KMT2C: variants seen among roughly 807,000 people sequenced by gnomAD.
KMT2C encodes histone-lysine N-methyltransferase 2C.
Under a neutral mutation model 507.9 loss-of-function variants are expected in KMT2C, and 88 were observed. The ratio of observed to expected loss-of-function variants is 0.17; its 90% CI spans 0.15 to 0.21. KMT2C has a LOEUF of 0.21. KMT2C is among the 10% of genes least tolerant of loss of function. KMT2C has a pLI of 1.00. For missense variants in KMT2C, 4,954 were observed against 5,957.8 expected (o/e 0.83, Z 5.55); for synonymous variants, 2,049 against 2,080.8 (o/e 0.98, Z 0.42).
chr7:152,179,551 A>G (rs1321085787), intron 37 of KMT2C, among the ~76,000 whole-genome samples: 1 of 151,780 alleles, frequency 6.6e-6, no homozygotes, highest in Non-Finnish European at 1.5e-5. Context: ...AGCAGATTAT[A>G]TATATTTCAA....
intron 1 of KMT2C, among the ~76,000 whole-genome samples, chr7:152,424,179 T>C (rs571708899): frequency 2.0e-5 from 3 of 152,174 alleles, no homozygotes; most frequent in South Asian, 2.1e-4. Context: ...AGTTGCAGGA[T>C]CATAGCTCAC....
chr7:152,251,694 G>T (rs886772816), intron 11 of KMT2C, among the ~76,000 whole-genome samples: 10 of 152,060 alleles, frequency 6.6e-5, no homozygotes, highest in Non-Finnish European at 1.2e-4. Context: ...GAACACAAGT[G>T]AAGGAAAGCA....
intron 6 of KMT2C, among the ~76,000 whole-genome samples, chr7:152,290,772 G>A (rs1433759805): frequency 6.6e-6 from 1 of 152,040 alleles, no homozygotes; most frequent in African/African-American, 2.4e-5. Context: ...CATTCTTATA[G>A]TATCTTTTAA....
At chr7:152,271,799 C>G (rs1366102818) in intron 7 of KMT2C, among the ~76,000 whole-genome samples, 1 of 151,414 alleles carries the variant, frequency 6.6e-6, no homozygotes, top group East Asian at 1.9e-4. Flanking sequence ...TATTTTTCTA[C>G]TGCAAGGTGG....
At position 152,155,862 on chromosome 7, in the gene KMT2C, T is replaced by TA. The variant is rs2092012358; in HGVS notation, c.11960+47dup. The stretch of plus-strand genomic sequence containing the variant: ...GCCACATACATACATTTATTTTTTT[T>TA]AAAAGAAGAAATAACTAAGAATTAT... On this transcript the variant is annotated intron_variant, in intron 46 of 58. Coordinates refer to ENST00000262189, the MANE Select transcript of KMT2C (RefSeq NM_170606.3). 2.6e-6 allele frequency: 4 copies of TA among 1,534,908 alleles called. No homozygotes were observed. The African/African-American group carries it at 4.2e-5, about 16-fold the overall frequency.
intron 6 of KMT2C, among the ~76,000 whole-genome samples, chr7:152,295,635 T>C (rs1453232355): frequency 6.6e-6 from 1 of 152,226 alleles, no homozygotes; most frequent in Admixed American, 6.5e-5. Flanking sequence ...CCCTTTTTCC[T>C]TCCTACAGAT....
chr7:152,225,364 G>A (rs1415654814), intron 18 of KMT2C, among the ~76,000 whole-genome samples: 1 of 152,160 alleles, frequency 6.6e-6, no homozygotes, highest in Admixed American at 6.5e-5. Flanking sequence ...AAGCCTAAAA[G>A]CTACCAGAGA....
chr7:152,299,809 G>C (rs1396226256), intron 6 of KMT2C, among the ~76,000 whole-genome samples: 1 of 151,856 alleles, frequency 6.6e-6, no homozygotes, highest in Admixed American at 6.5e-5. Context: ...CTTCTTATAT[G>C]TTTTTATCAG....
At chr7:152,388,930 T>G (rs947779672) in intron 1 of KMT2C, among the ~76,000 whole-genome samples, 8 of 152,074 alleles carry the variant, frequency 5.3e-5, no homozygotes, top group Non-Finnish European at 1.2e-4. Flanking sequence ...GTATTTTTAG[T>G]AGAGACAGGG....
chr7:152,187,380 C>A lies in KMT2C; in HGVS notation c.4890G>T (p.Ser1630=), dbSNP rs750399150. Residue 1630 remains serine, a synonymous_variant, in exon 33 of 59, where the codon TCG becomes TCT. Transcript: ENST00000262189. ...PTVEGENDTM[S]NAQRSTLKWE... The stretch of plus-strand genomic sequence containing the variant: ...ACTTAAGCGTGCTTCTCTGGGCATT[C>A]GACATTGTGTCATTTTCTCCTTCCA... 1 of 1,614,000 alleles carries A rather than the reference C, an allele frequency of 6.2e-7. No individual in the cohort carries two copies. The highest frequency in any genetic ancestry group is 8.5e-7 in the Non-Finnish European group (1 of 1,179,946).
chr7:152,276,347 A>T (rs990451722), intron 6 of KMT2C, among the ~76,000 whole-genome samples: 9 of 152,226 alleles, frequency 5.9e-5, no homozygotes, highest in Non-Finnish European at 1.0e-4. Context: ...ACTCTTATAC[A>T]CTACACATAA....
At chr7:152,255,108 C>CAAA (rs1563604521) in intron 9 of KMT2C, among the ~76,000 whole-genome samples, 1 of 60,678 alleles carries the variant, frequency 1.6e-5, no homozygotes, top group South Asian at 5.0e-4. Flanking sequence ...TCAACTCTCA[C>CAAA]TTATATATAT....
intron 2 of KMT2C, among the ~76,000 whole-genome samples, chr7:152,337,017 G>A (rs973699529): frequency 7.9e-5 from 12 of 152,252 alleles, no homozygotes; most frequent in East Asian, 1.9e-4. Context: ...TTGACCTGGC[G>A]TGGTGGCTCA....
chr7:152,183,565 C>A (rs1190806373), intron 34 of KMT2C, among the ~76,000 whole-genome samples: 1 of 151,882 alleles, frequency 6.6e-6, no homozygotes, highest in South Asian at 2.1e-4. Context: ...TGTTTGAGAT[C>A]AGCCTGACCA....
intron 4 of KMT2C, 110 bp downstream of exon 4, chr7:152,315,028 A>C (rs2096710215): frequency 2.3e-6 from 2 of 883,542 alleles, no homozygotes; most frequent in Admixed American, 4.5e-5. Context: ...GGAGAACAGG[A>C]GAAACTGTTC....
chr7:152,332,521 C>A (rs545754493), intron 2 of KMT2C, among the ~76,000 whole-genome samples: 1 of 152,272 alleles, frequency 6.6e-6, no homozygotes, highest in East Asian at 1.9e-4. Flanking sequence ...TTCAACTATA[C>A]CTTTCTAATT....
At position 152,187,352 on chromosome 7, in the gene KMT2C, C is replaced by G. The variant is rs373510851; in HGVS notation, c.4918G>C (p.Glu1640Gln). ...ATTTCACCCAGAGCCTCCTCTTTCT[C>G]CCACTTAAGCGTGCTTCTCTGGGCA... ...SNAQRSTLKWEKEEALGEMAT... is the reference protein window; with the variant it reads ...SNAQRSTLKWQKEEALGEMAT... The change falls in exon 33 of 59, where the codon GAG (glutamate) becomes CAG (glutamine). Residue 1640 changes from glutamate (E) to glutamine (Q), a missense_variant. This residue lies in a region of KMT2C where 195 missense variants were observed against 183.7 expected (regional missense o/e 1.06). Transcript: ENST00000262189. 1.7e-5 allele frequency: 28 copies of G among 1,614,138 alleles called. No individual in the cohort carries two copies. The highest frequency in any genetic ancestry group is 2.3e-5 in the Non-Finnish European group (27 of 1,180,008).
In KMT2C at chr7:152,222,185, A is replaced by G. The variant is rs147986312; in HGVS notation, c.3434-119T>C. The G allele has an allele frequency of 5.7e-3, 3,788 of 665,814 alleles. 118 individuals are homozygous for G. The African/African-American group carries it at 0.065, about 11-fold the overall frequency. The allele number at this position is 665,814 out of a possible 1,614,324, so 41.2% of individuals were successfully genotyped here. On this transcript the variant is annotated intron_variant, in intron 21 of 58. Transcript: ENST00000262189. ...TCATTTTATTAAAATAAATGTTTGA[A>G]CACTAAAGTTAAAAGTGCTTTTTAA... is the stretch of plus-strand genomic sequence containing the variant.
At chr7:152,355,333 G>A (rs1003814452) in intron 2 of KMT2C, among the ~76,000 whole-genome samples, 3 of 152,124 alleles carry the variant, frequency 2.0e-5, no homozygotes, top group African/African-American at 7.2e-5. Flanking sequence ...ATCCTCTTCA[G>A]ACATCTAAGA....
Sources: gnomAD v4.1 joint callset for allele counts (sites outside exome capture counted in the v4.1 genomes callset) on GRCh38, gnomAD v4.1.1 for gene constraint, gnomAD v4.1.1 regional missense constraint, MANE v1.5 for transcripts, NCBI Gene and HGNC (gene_info 2026-07-23, HGNC 2026-07-21) for gene names.